MITF: variants seen among roughly 807,000 people sequenced by gnomAD.
The protein encoded by MITF is melanocyte inducing transcription factor.
MITF carries 17 observed loss-of-function variants against 60.5 expected under a neutral mutation model. That is an observed-to-expected ratio of 0.28 (90% CI 0.19 to 0.42). MITF has a LOEUF of 0.42. Ranked by LOEUF, MITF falls within the 10% of genes least tolerant of loss-of-function variation. MITF has a pLI of 1.00. For missense variants in MITF, 622 were observed against 683.5 expected, an observed-to-expected ratio of 0.91 and a Z score of 1.00; for synonymous variants, 260 against 248.5, an observed-to-expected ratio of 1.05 and a Z score of -0.43.
At chr3:69,762,036 T>C (rs1241666094) in intron 1 of MITF, among the ~76,000 whole-genome samples, 1 of 152,236 alleles carries the variant, frequency 6.6e-6, no homozygotes, top group Non-Finnish European at 1.5e-5. Flanking sequence ...TTATAGCCAG[T>C]CTGTTCCATT....
intron 2 of MITF, among the ~76,000 whole-genome samples, chr3:69,899,383 C>T (rs2064947489): frequency 6.6e-6 from 1 of 152,140 alleles, no homozygotes; most frequent in African/African-American, 2.4e-5. Context: ...ATCCTTAAGA[C>T]CATCTAAAGG....
At chr3:69,942,334 T>A (rs1293299366) in intron 5 of MITF, among the ~76,000 whole-genome samples, 1 of 152,204 alleles carries the variant, frequency 6.6e-6, no homozygotes, top group African/African-American at 2.4e-5. Context: ...ATGTGTTTTT[T>A]ACCATAATGA....
intron 1 of MITF, among the ~76,000 whole-genome samples, chr3:69,749,169 T>A (rs1703837424): frequency 2.0e-5 from 3 of 152,214 alleles, no homozygotes; most frequent in African/African-American, 7.2e-5. Flanking sequence ...AGAACCTCAT[T>A]GAGATGTAGC....
At chr3:69,762,519 T>G (rs2062227298) in intron 1 of MITF, among the ~76,000 whole-genome samples, 2 of 152,234 alleles carry the variant, frequency 1.3e-5, no homozygotes, top group Non-Finnish European at 2.9e-5. Context: ...GGCTGCATCA[T>G]AAGCCTGATT....
chr3:69,788,201 T>A (rs991330279), intron 1 of MITF, among the ~76,000 whole-genome samples: 3 of 151,646 alleles, frequency 2.0e-5, no homozygotes, highest in Admixed American at 1.3e-4. Context: ...TTGTTACATA[T>A]GTATACATGT....
intron 1 of MITF, among the ~76,000 whole-genome samples, chr3:69,834,546 T>C (rs2063507945): frequency 6.6e-6 from 1 of 152,208 alleles, no homozygotes; most frequent in Non-Finnish European, 1.5e-5. Context: ...TCTGTATATA[T>C]ACTACATTTT....
chr3:69,834,401 A>G lies in MITF; in HGVS notation c.105-44733A>G, dbSNP rs532942769. Among the ~76,000 whole-genome samples the G allele has an allele frequency of 8.5e-5, 13 of 152,152 alleles. No individual in the cohort carries two copies. In the East Asian group the frequency reaches 2.5e-3, roughly 29 times the overall value. ...CAGCTTGTTTTACCCCTTAGATTTC[A>G]CATTTGAGTGACATCATATGATATT... On this transcript the variant is annotated intron_variant, in intron 1 of 9. Coordinates refer to ENST00000352241, the MANE Select transcript of MITF (RefSeq NM_001354604.2).
At chr3:69,953,445 A>C (rs1384726923) in intron 7 of MITF, among the ~76,000 whole-genome samples, 3 of 151,942 alleles carry the variant, frequency 2.0e-5, no homozygotes, top group Non-Finnish European at 4.4e-5. Context: ...GGGAATTAAT[A>C]CTCAAGGTTA....
At chr3:69,924,983 C>T (rs1041067331) in intron 2 of MITF, among the ~76,000 whole-genome samples, 7 of 151,952 alleles carry the variant, frequency 4.6e-5, no homozygotes, top group African/African-American at 1.7e-4. Context: ...TTTCCTTCAT[C>T]TTTTAAAGTC....
chr3:69,799,842 A>G (rs1400827003), intron 1 of MITF, among the ~76,000 whole-genome samples: 2 of 152,182 alleles, frequency 1.3e-5, no homozygotes, highest in African/African-American at 4.8e-5. Flanking sequence ...AGAAACCTAT[A>G]CTGGGACCAC....
At chr3:69,850,285 T>C (rs2063803204) in intron 1 of MITF, among the ~76,000 whole-genome samples, 1 of 152,230 alleles carries the variant, frequency 6.6e-6, no homozygotes, top group African/African-American at 2.4e-5. Context: ...ACATAGGATC[T>C]AGATTCCAAC....
intron 1 of MITF, among the ~76,000 whole-genome samples, chr3:69,868,222 C>G (rs1216768118): frequency 6.6e-6 from 1 of 152,186 alleles, no homozygotes; most frequent in Non-Finnish European, 1.5e-5. Flanking sequence ...CTTGTATTAA[C>G]ACATTTAATT....
intron 1 of MITF, among the ~76,000 whole-genome samples, chr3:69,864,833 A>T (rs1322281555): frequency 2.0e-5 from 3 of 152,154 alleles, no homozygotes; most frequent in South Asian, 2.1e-4. Flanking sequence ...ATATGTTGTT[A>T]CTGCTGCCTG....
At chr3:69,860,374 A>T (rs1403498646) in intron 1 of MITF, among the ~76,000 whole-genome samples, 2 of 152,170 alleles carry the variant, frequency 1.3e-5, no homozygotes, top group Non-Finnish European at 2.9e-5. Context: ...TGGGAGGCCG[A>T]GGCGGGCGGA....
intron 1 of MITF, among the ~76,000 whole-genome samples, chr3:69,790,275 A>G (rs955887615): frequency 4.6e-5 from 7 of 152,196 alleles, no homozygotes; most frequent in Admixed American, 2.6e-4. Context: ...AGGTATGTAG[A>G]GGAGTCAAAC....
chr3:69,851,862 A>G (rs1326748033), intron 1 of MITF, among the ~76,000 whole-genome samples: 1 of 152,212 alleles, frequency 6.6e-6, no homozygotes, highest in Non-Finnish European at 1.5e-5. Context: ...TCACAAAGAA[A>G]TGTTGCTTTG....
At chr3:69,795,840 A>T (rs2062818684) in intron 1 of MITF, among the ~76,000 whole-genome samples, 1 of 152,250 alleles carries the variant, frequency 6.6e-6, no homozygotes, top group Non-Finnish European at 1.5e-5. Flanking sequence ...GTATTTAAAA[A>T]ATATAAGTAT....
At chr3:69,901,332 C>T (rs2064991859) in intron 2 of MITF, among the ~76,000 whole-genome samples, 1 of 151,832 alleles carries the variant, frequency 6.6e-6, no homozygotes, top group Non-Finnish European at 1.5e-5. Context: ...GTTAATAATG[C>T]AAGTGTTTTG....
chr3:69,894,845 T>A (rs2064838000), intron 2 of MITF, among the ~76,000 whole-genome samples: 1 of 152,224 alleles, frequency 6.6e-6, no homozygotes, highest in South Asian at 2.1e-4. Flanking sequence ...CCTTTATTTT[T>A]GCTATTAAAC....
Sources: gnomAD v4.1 joint callset for allele counts (sites outside exome capture counted in the v4.1 genomes callset) on GRCh38, gnomAD v4.1.1 for gene constraint, MANE v1.5 for transcripts, NCBI Gene and HGNC (gene_info 2026-07-23, HGNC 2026-07-21) for gene names.